Variants in GLDC observed in about 807,000 individuals in gnomAD.
GLDC encodes the protein glycine decarboxylase, also known as glycine dehydrogenase (decarboxylating), mitochondrial.
A neutral mutation model predicts 121.3 loss-of-function variants in GLDC; 104 were observed. The ratio of observed to expected loss-of-function variants is 0.86; its 90% CI spans 0.73 to 1.01. The LOEUF (loss-of-function observed/expected upper bound fraction) is 1.01, where lower values mean the gene tolerates loss of function less well. Among genes scored for constraint, GLDC ranks in the 50% least tolerant of loss-of-function variants. The pLI, the probability that GLDC is intolerant of heterozygous loss-of-function variation, is 0.00. For synonymous variants in GLDC, 546 were observed against 480.6 expected (o/e 1.14, Z -1.78); for missense variants, 1,429 against 1,306.6 (o/e 1.09, Z -1.44).
chr9:6,572,950 G>C (rs1817993699), intron 15 of GLDC, among the ~76,000 whole-genome samples: 1 of 152,154 alleles, frequency 6.6e-6, no homozygotes. Flanking sequence ...GGTATTTCCT[G>C]CAGCCACCCG....
chr9:6,644,895 G>A (rs1399447756), intron 1 of GLDC: 2 of 631,330 alleles, frequency 3.2e-6, no homozygotes, highest in African/African-American at 3.7e-5. Context: ...CGCCACTCGG[G>A]GTTGGATTTC....
intron 2 of GLDC, among the ~76,000 whole-genome samples, chr9:6,644,079 C>T (rs1035439082): frequency 1.0e-5 from 1 of 99,696 alleles, no homozygotes; most frequent in African/African-American, 4.0e-5. Flanking sequence ...AAAAGAAAAA[C>T]CATTCGGACT....
At position 6,620,054 on chromosome 9, in the gene GLDC, C is replaced by T. The variant is rs551284824; in HGVS notation, c.470+130G>A. ...GATCCAGAGAAACCCGGTAGGTTCC[C>T]GGACATTGGAGACAGCACTAGGAGG... On this transcript the variant is annotated intron_variant, in intron 3 of 24. Transcript: ENST00000321612. 3.4e-4 allele frequency: 305 copies of T among 885,866 alleles called. 2 individuals carry two copies. The highest frequency in any genetic ancestry group is 1.5e-4 in the East Asian group (6 of 41,082). The allele number at this position is 885,866 out of a possible 1,614,324, so 54.9% of individuals were successfully genotyped here. A position where few individuals can be genotyped will look rare whatever the true frequency, so the allele number is the denominator to read the frequency against.
At chr9:6,551,452 G>A (rs1334350786) in intron 20 of GLDC, among the ~76,000 whole-genome samples, 1 of 152,308 alleles carries the variant, frequency 6.6e-6, no homozygotes, top group South Asian at 2.1e-4. Flanking sequence ...ACTGCAAAGA[G>A]CTTCAAATCA....
chr9:6,565,245 C>T (rs1174862265), intron 16 of GLDC, 109 bp downstream of exon 16: 1 of 817,988 alleles, frequency 1.2e-6, no homozygotes, highest in African/African-American at 1.7e-5. Context: ...CTATATGTTC[C>T]CTCATCTGCT....
intron 18 of GLDC, among the ~76,000 whole-genome samples, chr9:6,555,551 C>G (rs1365792040): frequency 6.6e-6 from 1 of 151,930 alleles, no homozygotes; most frequent in East Asian, 1.9e-4. Flanking sequence ...GGTGGATTGC[C>G]TGAGCTCAGG....
At chr9:6,604,056 T>C (rs1426353083) in intron 7 of GLDC, among the ~76,000 whole-genome samples, 1 of 151,910 alleles carries the variant, frequency 6.6e-6, no homozygotes, top group Non-Finnish European at 1.5e-5. Flanking sequence ...CTTTTTTTTT[T>C]AAGGAACAAA....
chr9:6,603,766 T>C (rs1193212065), intron 7 of GLDC, among the ~76,000 whole-genome samples: 1 of 150,320 alleles, frequency 6.7e-6, no homozygotes, highest in African/African-American at 2.5e-5. Context: ...AGTCTCGCTC[T>C]GCACCCAAAC....
intron 11 of GLDC, among the ~76,000 whole-genome samples, chr9:6,590,950 C>T (rs1818363511): frequency 6.6e-6 from 1 of 152,176 alleles, no homozygotes; most frequent in Non-Finnish European, 1.5e-5. Context: ...CAAGACAGCA[C>T]CACTCAGCAC....
rs1466793435 is a variant in GLDC, at chr9:6,593,288, A to AT, written c.1262-299_1262-298insA. 3.6e-3 allele frequency among the ~76,000 whole-genome samples: 505 copies of AT among 140,026 alleles called. 8 individuals carry two copies. Among genetic ancestry groups the AT allele is most frequent in the Non-Finnish European group, 3.3e-3 (211 of 64,266 alleles). 91.9% of individuals were successfully genotyped at this position (140,026 alleles called of 152,430 possible). A position where few individuals can be genotyped will look rare whatever the true frequency, so the allele number is the denominator to read the frequency against. On this transcript the variant is annotated intron_variant, in intron 9 of 24. Transcript: ENST00000321612. ...TATCAGATATATATATATATATATA[A>AT]AATTATACCTTTTTTTTTTTGAGAG...
chr9:6,634,845 C>A (rs1819469076), intron 2 of GLDC, among the ~76,000 whole-genome samples: 1 of 152,176 alleles, frequency 6.6e-6, no homozygotes, highest in African/African-American at 2.4e-5. Context: ...CCCCCTCCCT[C>A]TCCTCTGATC....
At chr9:6,540,327 C>A in intron 21 of GLDC, 181 bp from the exon 22 acceptor site, 2 of 617,504 alleles carry the variant, frequency 3.2e-6, no homozygotes, top group South Asian at 1.9e-5. Context: ...AGTCTTATTA[C>A]AAATAAAAAT....
chr9:6,643,287 G>A (rs1819665071), intron 2 of GLDC, among the ~76,000 whole-genome samples: 1 of 151,726 alleles, frequency 6.6e-6, no homozygotes. Flanking sequence ...AAACATGCAG[G>A]TTTTCAACGA....
chr9:6,608,293 GC>G (rs1175087597), intron 4 of GLDC, among the ~76,000 whole-genome samples: 1 of 147,870 alleles, frequency 6.8e-6, no homozygotes, highest in Non-Finnish European at 1.5e-5. Context: ...GTGGTGGCGG[GC>G]ACCTGTAGTC....
At chr9:6,549,712 C>A (rs1817469519) in intron 21 of GLDC, among the ~76,000 whole-genome samples, 1 of 151,978 alleles carries the variant, frequency 6.6e-6, no homozygotes, top group Non-Finnish European at 1.5e-5. Flanking sequence ...GTTCCCCTGC[C>A]TATTATTCCC....
Position 6,536,226 on chromosome 9 carries a change from G to C in GLDC, c.2676C>G (p.Ala892=). 1.2e-6 allele frequency: 2 copies of C among 1,613,706 alleles called. No individual in the cohort carries two copies. The highest frequency in any genetic ancestry group is 1.7e-6 in the Non-Finnish European group (2 of 1,179,844). ...AKRLQDYGFH[A]PTMSWPVAGT... is the part of the protein sequence containing the mutation. ...CTGCCACAGGCCAGGACATGGTAGG[G>C]GCGTGAAATCCTGCAAAGGGAGACA... Residue 892 remains alanine (A), a synonymous_variant, in exon 23 of 25, where the codon GCC becomes GCG. Coordinates refer to ENST00000321612, the MANE Select transcript of GLDC (RefSeq NM_000170.3).
In GLDC at chr9:6,629,050, C is replaced by G. The variant is rs192360492; in HGVS notation, c.335-8731G>C. 3.2e-3 allele frequency among the ~76,000 whole-genome samples: 480 copies of G among 151,812 alleles called. 13 individuals carry two copies. Among genetic ancestry groups the G allele is most frequent in the Non-Finnish European group, 9.3e-4 (63 of 67,968 alleles). On this transcript the variant is annotated intron_variant, in intron 2 of 24. Transcript: ENST00000321612. ...TTGCGCTGCTTCTGCTTGCTAAATT[C>G]TGCTTCTCAGAATTTAGAATGAATG...
At chr9:6,635,738 C>T (rs1241697222) in intron 2 of GLDC, among the ~76,000 whole-genome samples, 1 of 151,828 alleles carries the variant, frequency 6.6e-6, no homozygotes. Context: ...TAGCCAGGTG[C>T]TGTGGTTCTC....
intron 8 of GLDC, among the ~76,000 whole-genome samples, chr9:6,595,763 A>C (rs957335063): frequency 5.9e-5 from 9 of 152,102 alleles, no homozygotes. Context: ...CAGGATTTCG[A>C]GGTTACAGTG....
Sources: gnomAD v4.1 joint callset for allele counts (sites outside exome capture counted in the v4.1 genomes callset) on GRCh38, gnomAD v4.1.1 for gene constraint, MANE v1.5 for transcripts, NCBI Gene and HGNC (gene_info 2026-07-23, HGNC 2026-07-21) for gene names.